CADM2: variants seen among roughly 807,000 people sequenced by gnomAD.
The protein encoded by CADM2 is cell adhesion molecule 2.
A neutral mutation model predicts 49.8 loss-of-function variants in CADM2; 12 were observed. The ratio of observed to expected loss-of-function variants is 0.24; its 90% CI spans 0.15 to 0.39. The LOEUF (loss-of-function observed/expected upper bound fraction) is 0.39. Among genes scored for constraint, CADM2 ranks in the 10% least tolerant of loss-of-function variants. The pLI is 1.00. For synonymous variants in CADM2, 214 were observed against 175.4 expected (o/e 1.22, Z -1.74); for missense variants, 378 against 492.3 (o/e 0.77, Z 2.20).
At chr3:85,846,757 G>A (rs1248072705) in intron 3 of CADM2, among the ~76,000 whole-genome samples, 1 of 152,098 alleles carries the variant, frequency 6.6e-6, no homozygotes, top group East Asian at 1.9e-4. Flanking sequence ...AGGTAATTGG[G>A]AGGCTGAGGC....
At chr3:85,911,406 A>T (rs1717569344) in intron 5 of CADM2, among the ~76,000 whole-genome samples, 1 of 152,226 alleles carries the variant, frequency 6.6e-6, no homozygotes, top group African/African-American at 2.4e-5. Context: ...AAGTTTAAAT[A>T]TCGATAAATG....
chr3:85,107,689 C>T (rs1481235477), intron 1 of CADM2, among the ~76,000 whole-genome samples: 2 of 109,072 alleles, frequency 1.8e-5, no homozygotes, highest in Non-Finnish European at 1.9e-5. Context: ...CTTTCTCTTT[C>T]TTTCTTTCTC....
chr3:85,248,943 C>T (rs1316133826), intron 1 of CADM2, among the ~76,000 whole-genome samples: 1 of 151,976 alleles, frequency 6.6e-6, no homozygotes, highest in African/African-American at 2.4e-5. Context: ...GAAATTTAAG[C>T]AATCTGATTT....
chr3:85,947,910 A>G (rs949098796), intron 7 of CADM2, among the ~76,000 whole-genome samples: 7 of 151,488 alleles, frequency 4.6e-5, no homozygotes, highest in African/African-American at 1.7e-4. Context: ...ATTTCCAGGT[A>G]AGCAGTTTTC....
chr3:85,331,161 A>C (rs1425236792), intron 1 of CADM2, among the ~76,000 whole-genome samples: 1 of 152,044 alleles, frequency 6.6e-6, no homozygotes, highest in African/African-American at 2.4e-5. Context: ...TTGTTTTAAA[A>C]TATGCCATAA....
At chr3:85,007,635 A>T (rs2033797974) in intron 1 of CADM2, among the ~76,000 whole-genome samples, 1 of 152,230 alleles carries the variant, frequency 6.6e-6, no homozygotes, top group African/African-American at 2.4e-5. Context: ...ATGTGTAGTG[A>T]TTAGTTAGCT....
chr3:85,643,114 C>A (rs1356560258), intron 1 of CADM2, among the ~76,000 whole-genome samples: 2 of 152,040 alleles, frequency 1.3e-5, no homozygotes, highest in African/African-American at 2.4e-5. Context: ...AATTTCTTGG[C>A]AGATATTTCT....
intron 1 of CADM2, among the ~76,000 whole-genome samples, chr3:85,575,828 T>C (rs964682524): frequency 6.6e-6 from 1 of 152,150 alleles, no homozygotes; most frequent in African/African-American, 2.4e-5. Context: ...TGCAAAAATA[T>C]GTAAAAATAA....
chr3:85,690,576 A>G (rs545789372), intron 1 of CADM2, among the ~76,000 whole-genome samples: 1 of 152,292 alleles, frequency 6.6e-6, no homozygotes, highest in South Asian at 2.1e-4. Flanking sequence ...CAATGTCACA[A>G]TATCCTGGCT....
chr3:85,749,216 C>T (rs963772424), intron 2 of CADM2, among the ~76,000 whole-genome samples: 1 of 151,930 alleles, frequency 6.6e-6, no homozygotes, highest in African/African-American at 2.4e-5. Context: ...CAACAAAAAA[C>T]TGATATCAAA....
At chr3:85,315,152 C>T (rs1220066105) in intron 1 of CADM2, among the ~76,000 whole-genome samples, 1 of 152,102 alleles carries the variant, frequency 6.6e-6, no homozygotes, top group Admixed American at 6.6e-5. Flanking sequence ...TGGCTGTGTT[C>T]TTCCAGGCCG....
chr3:85,601,566 C>A (rs1229641210), intron 1 of CADM2, among the ~76,000 whole-genome samples: 2 of 151,318 alleles, frequency 1.3e-5, no homozygotes, highest in East Asian at 1.9e-4. Flanking sequence ...TATTTAAAAT[C>A]ATCATATTTG....
rs75592161 is a variant in CADM2, at chr3:85,878,070, A to G, written c.239-5221A>G. 2.7e-3 allele frequency among the ~76,000 whole-genome samples: 414 copies of G among 152,248 alleles called. 1 individual carries two copies. The highest frequency in any genetic ancestry group is 9.7e-3 in the African/African-American group (402 of 41,568). ...CAGTGTGGATGTAGGATTTACTTAA[A>G]ATATTCAGTTCATGGAAAATCTTGT... On this transcript the variant is annotated intron_variant, in intron 3 of 9. Coordinates refer to ENST00000383699, the MANE Select transcript of CADM2 (RefSeq NM_001167675.2).
At chr3:85,339,831 C>G (rs2045193169) in intron 1 of CADM2, among the ~76,000 whole-genome samples, 1 of 151,318 alleles carries the variant, frequency 6.6e-6, no homozygotes, top group Non-Finnish European at 1.5e-5. Context: ...ACCAGTGATT[C>G]TTAGATGATC....
chr3:85,723,939 A>G (rs550784872), intron 1 of CADM2, among the ~76,000 whole-genome samples: 22 of 152,154 alleles, frequency 1.4e-4, no homozygotes, highest in African/African-American at 4.8e-4. Flanking sequence ...GAACAAGTCA[A>G]TTTATTGATG....
intron 5 of CADM2, among the ~76,000 whole-genome samples, chr3:85,893,824 G>A (rs77582259): frequency 0.66 from 99,528 of 151,726 alleles, 33,267 homozygotes; most frequent in African/African-American, 0.77. Context: ...TTAGAATGGC[G>A]ATCATTAAAA....
intron 1 of CADM2, among the ~76,000 whole-genome samples, chr3:85,164,143 T>C (rs747646643): frequency 3.8e-4 from 58 of 152,110 alleles, no homozygotes; most frequent in Non-Finnish European, 7.1e-4. Flanking sequence ...TCATTTTGCC[T>C]TTGGATTTTT....
intron 1 of CADM2, among the ~76,000 whole-genome samples, chr3:85,670,225 C>G (rs1319930929): frequency 1.3e-5 from 2 of 152,076 alleles, no homozygotes; most frequent in African/African-American, 4.8e-5. Context: ...TTCTCTGATT[C>G]CTGTTCACAT....
intron 3 of CADM2, among the ~76,000 whole-genome samples, chr3:85,862,585 A>AT (rs2075578031): frequency 6.6e-6 from 1 of 152,152 alleles, no homozygotes; most frequent in Non-Finnish European, 1.5e-5. Context: ...ATAGTAACAC[A>AT]TTTTTTGGCA....
Sources: gnomAD v4.1 joint callset for allele counts (sites outside exome capture counted in the v4.1 genomes callset) on GRCh38, gnomAD v4.1.1 for gene constraint, MANE v1.5 for transcripts, NCBI Gene and HGNC (gene_info 2026-07-23, HGNC 2026-07-21) for gene names.